The following TNRC18 variants were observed in gnomAD, a reference collection of about 807,000 sequenced individuals.
TNRC18 encodes trinucleotide repeat containing 18.
A neutral mutation model predicts 226.7 loss-of-function variants in TNRC18; 69 were observed. That is an observed-to-expected ratio of 0.30 (90% CI 0.25 to 0.37). The LOEUF is 0.37. Among genes scored for constraint, TNRC18 ranks in the 10% least tolerant of loss-of-function variants. The probability of loss-of-function intolerance (pLI) is 1.00; values close to 1 mark genes in which losing one functional copy is unlikely to be tolerated. For missense variants in TNRC18, 4,754 were observed against 4,256.6 expected, an observed-to-expected ratio of 1.12 and a Z score of -3.25; for synonymous variants, 2,449 against 1,927.6, an observed-to-expected ratio of 1.27 and a Z score of -7.09.
intron 11 of TNRC18, among the ~76,000 whole-genome samples, chr7:5,368,579 C>G (rs534526033): frequency 6.8e-6 from 1 of 146,696 alleles, no homozygotes; most frequent in Admixed American, 6.9e-5. Context: ...CAGGAAAAAT[C>G]GCTTGAACCT....
chr7:5,316,274 C>CTTTCT (rs1787834852), intron 24 of TNRC18, among the ~76,000 whole-genome samples: 1 of 86,534 alleles, frequency 1.2e-5, no homozygotes, highest in African/African-American at 4.7e-5. Context: ...AGAAATGGGT[C>CTTTCT]TTTTTTTTTT....
chr7:5,350,216 C>G (rs867182096), intron 17 of TNRC18, among the ~76,000 whole-genome samples: 5 of 151,516 alleles, frequency 3.3e-5, no homozygotes, highest in African/African-American at 1.2e-4. Context: ...CCTCGGAAAA[C>G]GAGGCTGGCC....
chr7:5,335,519 T>C (rs1021447041), intron 18 of TNRC18, among the ~76,000 whole-genome samples: 6 of 150,414 alleles, frequency 4.0e-5, no homozygotes, highest in East Asian at 3.9e-4. Context: ...AGGCAGGAAA[T>C]TGCCTGAACC....
At position 5,328,492 on chromosome 7, in the gene TNRC18, A is replaced by T. The variant is rs372545855; in HGVS notation, c.6148-3244T>A. Among the ~76,000 whole-genome samples the T allele has an allele frequency of 3.1e-3, 458 of 148,378 alleles. 3 individuals carry two copies. Among genetic ancestry groups the T allele is most frequent in the Admixed American group, 4.4e-3 (65 of 14,680 alleles). ...AAACCAGCCTGGGCAACACAGTGAGACCACCTTCCCCGCCGCCGCCTTTTT... is the reference window on the plus strand; with the variant it reads ...AAACCAGCCTGGGCAACACAGTGAGTCCACCTTCCCCGCCGCCGCCTTTTT... On this transcript the variant is annotated intron_variant, in intron 19 of 29. Transcript: ENST00000430969.
chr7:5,386,636 G>A (rs1222443534), intron 5 of TNRC18, among the ~76,000 whole-genome samples: 1 of 151,810 alleles, frequency 6.6e-6, no homozygotes. Context: ...TGCGGTCCCA[G>A]CTACTTGGGA....
rs903324922 is a variant in TNRC18 at position 5,320,484 on chromosome 7, C to A, written c.6636+48G>T. On this transcript the variant is annotated intron_variant, in intron 23 of 29. Transcript: ENST00000430969. ...ACACAGTTATGGCCATGGCCTTGGA[C>A]ACCCAGCCCACCCCGAGCCTCCCGA... 20 of 1,566,878 alleles carry A rather than the reference C, an allele frequency of 1.3e-5. No homozygotes were observed. In the African/African-American group the frequency reaches 2.4e-4, roughly 19 times the overall value.
rs2128105678 is a variant in TNRC18 at position 5,313,672 on chromosome 7, G to A, written c.7219C>T (p.Pro2407Ser). 1 of 1,605,982 alleles carries A rather than the reference G, an allele frequency of 6.2e-7. No individual in the cohort carries two copies. Among genetic ancestry groups the A allele is most frequent in the Non-Finnish European group, 8.5e-7 (1 of 1,177,030 alleles). The change falls in exon 27 of 30, where the codon CCA (proline) becomes TCA (serine). Residue 2407 changes from proline (P) to serine (S), a missense_variant. Transcript: ENST00000430969. ...AGCTCTGCAAATGGCTCGGGTGCTGGGCAGCTGGTGAAGGCGGGTGGTGCG... is the reference window on the plus strand; with the variant it reads ...AGCTCTGCAAATGGCTCGGGTGCTGAGCAGCTGGTGAAGGCGGGTGGTGCG... ...SPAPPAFTSC[P>S]APEPFAELPA...
chr7:5,389,176 C>T lies in TNRC18; in HGVS notation c.648G>A (p.Pro216=). ...GGTCCTTCTTGCCGAAAAGCGGAGG[C>T]GGCTCCCCGCCGCGGCCCGCCCGCT... ...AKERAGRGGE[P]PPLFGKKDPR... Residue 216 remains proline (P), a synonymous_variant, in exon 5 of 30, where the codon CCG becomes CCA. Transcript: ENST00000430969. The T allele has an allele frequency of 1.5e-6, 2 of 1,317,192 alleles. No homozygotes were observed. The highest frequency in any genetic ancestry group is 1.9e-6 in the Non-Finnish European group (2 of 1,035,036). The allele number at this position is 1,317,192 out of a possible 1,614,324, so 81.6% of individuals were successfully genotyped here. A position where few individuals can be genotyped will look rare whatever the true frequency, so the allele number is the denominator to read the frequency against.
In TNRC18 at chr7:5,389,454, G is replaced by C. The variant is rs374456844; in HGVS notation, c.488-118C>G. The C allele has an allele frequency of 1.4e-5, 9 of 640,084 alleles. No individual in the cohort carries two copies. In the African/African-American group the frequency reaches 4.6e-4, roughly 33 times the overall value. 39.7% of individuals were successfully genotyped at this position (640,084 alleles called of 1,614,324 possible). A position where few individuals can be genotyped will look rare whatever the true frequency, so the allele number is the denominator to read the frequency against. On this transcript the variant is annotated intron_variant, in intron 4 of 29. Transcript: ENST00000430969. ...CAACCCATGCCTCCCCCAGTGTTTT[G>C]GTTTTGGTTTTTTTTTTCAGAAAGA... is the stretch of plus-strand genomic sequence containing the variant.
chr7:5,319,846 A>G (rs562400631), intron 24 of TNRC18, among the ~76,000 whole-genome samples: 9 of 152,266 alleles, frequency 5.9e-5, no homozygotes, highest in African/African-American at 1.7e-4. Context: ...TCCACTTTGC[A>G]GGGGAAGCCA....
At chr7:5,380,066 G>A (rs1779291975) in intron 5 of TNRC18, among the ~76,000 whole-genome samples, 1 of 152,194 alleles carries the variant, frequency 6.6e-6, no homozygotes, top group Non-Finnish European at 1.5e-5. Context: ...CCACAGCCAT[G>A]ACCCTAATGG....
In TNRC18 at chr7:5,324,397, CA is replaced by C. The variant is rs1562493166; in HGVS notation, c.6301-43del. On this transcript the variant is annotated intron_variant, in intron 20 of 29. Transcript: ENST00000430969. The surrounding 1 kb of genome is among the most constrained non-coding windows in gnomAD (Gnocchi z 4.8). ...GCCGACAAATGACTTAGGACCTGAA[CA>C]GGGGTCCTGCCGGGTTGGGGACCCT... 2.5e-6 allele frequency: 4 copies of C among 1,605,024 alleles called. No individual in the cohort carries two copies. The highest frequency in any genetic ancestry group is 3.4e-6 in the Non-Finnish European group (4 of 1,175,964).
chr7:5,343,094 C>T (rs1038450370), intron 18 of TNRC18, among the ~76,000 whole-genome samples: 21 of 152,174 alleles, frequency 1.4e-4, no homozygotes, highest in African/African-American at 4.8e-4. Context: ...TGGCTCACAC[C>T]TGGAATCCCA....
In TNRC18 at chr7:5,370,623, T is replaced by C. The variant is rs1440698230; in HGVS notation, c.3971A>G (p.Glu1324Gly). ...VPVLGSTCFL[E>G]EASSDQFLPS... ...CAGGAACTGGTCAGAGCTTGCCTCT[T>C]CCAGGAAGCAGGTGCTGCCGAGTAC... The change falls in exon 11 of 30, where the codon GAA becomes GGA. Residue 1324 changes from glutamate to glycine, a missense_variant. By Grantham distance (98) the Glu-to-Gly change is moderately conservative (BLOSUM62 -2). Transcript: ENST00000430969. The C allele has an allele frequency of 1.2e-6, 2 of 1,613,238 alleles. No homozygotes were observed. Among genetic ancestry groups the C allele is most frequent in the Admixed American group, 3.3e-5 (2 of 60,002 alleles).
rs1278896095 is a variant in TNRC18, at chr7:5,316,274, CTTTTTTTTT to C, written c.6746-211_6746-203del. Among the ~76,000 whole-genome samples the C allele has an allele frequency of 3.3e-3, 282 of 86,556 alleles. 5 individuals are homozygous for C. The highest frequency in any genetic ancestry group is 0.011 in the African/African-American group (236 of 21,440). 56.8% of individuals were successfully genotyped at this position (86,556 alleles called of 152,430 possible). A position where few individuals can be genotyped will look rare whatever the true frequency, so the allele number is the denominator to read the frequency against. ...CCCGGGCAGGGCAGGAGAAATGGGTCTTTTTTTTTTTTTTTTTTTTTTGAGACAGAGTTT... is the reference window on the plus strand; with the variant it reads ...CCCGGGCAGGGCAGGAGAAATGGGTCTTTTTTTTTTTTTGAGACAGAGTTT... On this transcript the variant is annotated intron_variant, in intron 24 of 29. Coordinates refer to ENST00000430969, the MANE Select transcript of TNRC18 (RefSeq NM_001080495.3).
chr7:5,328,631 C>G (rs1374500489), intron 19 of TNRC18, among the ~76,000 whole-genome samples: 3 of 152,034 alleles, frequency 2.0e-5, no homozygotes, highest in African/African-American at 7.2e-5. Flanking sequence ...GCCTCGGCCT[C>G]CCGAGTAGCT....
In TNRC18 at chr7:5,345,632, T is replaced by A; in HGVS notation, c.5649A>T (p.Pro1883=). The A allele has an allele frequency of 1.3e-6, 2 of 1,558,434 alleles. No individual in the cohort carries two copies. Among genetic ancestry groups the A allele is most frequent in the Non-Finnish European group, 8.7e-7 (1 of 1,151,620 alleles). Residue 1883 remains proline, a synonymous_variant, in exon 18 of 30, where the codon CCA becomes CCT. Coordinates refer to ENST00000430969, the MANE Select transcript of TNRC18 (RefSeq NM_001080495.3). ...ASALPSPTVG[P]SLSVVQLEAK... is the part of the protein sequence containing the mutation. ...CCTCCAGCTGTACCACAGACAGGGA[T>A]GGACCCACCGTGGGGCTGGGGAGGG...
At chr7:5,316,190 G>T in intron 24 of TNRC18, 118 bp from the exon 25 acceptor site, 1 of 665,022 alleles carries the variant, frequency 1.5e-6, no homozygotes. Context: ...TGGTACAGCA[G>T]TGGGGACATG....
In TNRC18 at chr7:5,309,188, T is replaced by C; in HGVS notation, c.8569A>G (p.Lys2857Glu). Reference protein sequence around the residue: ...SWGNNMVVRVKWFYHPEETSP... With the variant: ...SWGNNMVVRVEWFYHPEETSP... ...GTCTCCTCGGGGTGGTAGAACCACT[T>C]GACGCGGACCACCATGTTGTTGCCC... Residue 2857 changes from lysine to glutamate, a missense_variant, in exon 28 of 30, where the codon AAG becomes GAG. Lys to Glu is a moderately conservative substitution (Grantham distance 56). Transcript: ENST00000430969. This position sits in a 1 kb window ranked among gnomAD's most constrained non-coding sequence, Gnocchi z 5.7. 6.2e-7 allele frequency: 1 copy of C among 1,613,232 alleles called. No individual in the cohort carries two copies. Among genetic ancestry groups the C allele is most frequent in the Non-Finnish European group, 8.5e-7 (1 of 1,179,762 alleles).
Sources: gnomAD v4.1 joint callset for allele counts (sites outside exome capture counted in the v4.1 genomes callset) on GRCh38, gnomAD v4.1.1 for gene constraint, Gnocchi (gnomAD v3.1) non-coding constraint, MANE v1.5 for transcripts, NCBI Gene and HGNC (gene_info 2026-07-23, HGNC 2026-07-21) for gene names.